Variants in THSD7B observed in about 807,000 individuals in gnomAD.
THSD7B encodes thrombospondin type 1 domain containing 7B.
In THSD7B, 138 loss-of-function variants were observed where a neutral mutation model predicts 213.6. That is an observed-to-expected ratio of 0.65 (90% CI 0.56 to 0.74). The LOEUF is 0.74. Among genes scored for constraint, THSD7B ranks in the 30% least tolerant of loss-of-function variants. The pLI is 0.00. For missense variants in THSD7B, 1,931 were observed against 1,991.5 expected (o/e 0.97, Z 0.58); for synonymous variants, 742 against 687.0 (o/e 1.08, Z -1.25).
intron 5 of THSD7B, among the ~76,000 whole-genome samples, chr2:137,135,623 T>C (rs1179914252): frequency 6.6e-6 from 1 of 152,170 alleles, no homozygotes; most frequent in Non-Finnish European, 1.5e-5. Context: ...CAGCTCTCTA[T>C]GTCTGTCACA....
At chr2:137,407,977 A>G (rs1686566818) in intron 13 of THSD7B, among the ~76,000 whole-genome samples, 1 of 151,396 alleles carries the variant, frequency 6.6e-6, no homozygotes, top group South Asian at 2.1e-4. Flanking sequence ...TAACTACTAC[A>G]TATTCTGACT....
chr2:137,080,361 C>G (rs1221031990), intron 3 of THSD7B, among the ~76,000 whole-genome samples: 1 of 141,576 alleles, frequency 7.1e-6, no homozygotes, highest in Non-Finnish European at 1.5e-5. Flanking sequence ...ACCACCATGC[C>G]CAGCTGTTTT....
At chr2:136,888,909 G>T (rs907907418) in intron 2 of THSD7B, among the ~76,000 whole-genome samples, 5 of 151,354 alleles carry the variant, frequency 3.3e-5, no homozygotes, top group African/African-American at 1.2e-4. Context: ...AATATCCCCA[G>T]CACATTAAAT....
rs1573606717 is a variant in THSD7B, at chr2:137,405,668, G to A, written c.2556G>A (p.Lys852=). 1.2e-6 allele frequency: 2 copies of A among 1,613,374 alleles called. No homozygotes were observed. Among genetic ancestry groups the A allele is most frequent in the East Asian group, 4.5e-5 (2 of 44,814 alleles). Residue 852 remains lysine, a synonymous_variant, in exon 13 of 28, where the codon AAG becomes AAA. Coordinates refer to ENST00000409968, the MANE Select transcript of THSD7B (RefSeq NM_001316349.2). The part of the protein sequence containing the change: ...NRSAEMMECL[K]QTNGMPLLVQ... ...CAGCAGAAATGATGGAATGCCTCAA[G>A]CAGACAAACGGCATGCCTCTCCTTG...
chr2:136,974,613 G>T (rs1356636573), intron 2 of THSD7B, among the ~76,000 whole-genome samples: 1 of 152,130 alleles, frequency 6.6e-6, no homozygotes, highest in Non-Finnish European at 1.5e-5. Flanking sequence ...TGGGCATATG[G>T]GGTGATTCCA....
chr2:136,971,637 A>C (rs1268667266), intron 2 of THSD7B, among the ~76,000 whole-genome samples: 1 of 23,224 alleles, frequency 4.3e-5, no homozygotes, highest in Non-Finnish European at 1.3e-4. Context: ...AACAACAACA[A>C]ATACACACAC....
intron 25 of THSD7B, among the ~76,000 whole-genome samples, chr2:137,663,052 G>T (rs59577493): frequency 0.055 from 7,988 of 145,016 alleles, 405 homozygotes; most frequent in East Asian, 0.21. Context: ...GCAACAGAGT[G>T]AAACTCCATC....
chr2:137,554,536 G>A (rs953771577), intron 15 of THSD7B, among the ~76,000 whole-genome samples: 2 of 152,130 alleles, frequency 1.3e-5, no homozygotes, highest in African/African-American at 2.4e-5. Flanking sequence ...GAGATAAAGA[G>A]CTAAAGTCAT....
At chr2:137,191,100 A>G (rs368330275) in intron 7 of THSD7B, among the ~76,000 whole-genome samples, 1 of 152,172 alleles carries the variant, frequency 6.6e-6, no homozygotes, top group Admixed American at 6.5e-5. Context: ...GGCCTCTGGC[A>G]GAGTCTGCTG....
intron 15 of THSD7B, among the ~76,000 whole-genome samples, chr2:137,524,307 A>G (rs980468507): frequency 3.9e-5 from 6 of 152,112 alleles, no homozygotes; most frequent in African/African-American, 1.4e-4. Flanking sequence ...GTCATGTGGA[A>G]CTGCCTCCTC....
At chr2:137,656,473 G>A (rs1683238365) in intron 22 of THSD7B, among the ~76,000 whole-genome samples, 1 of 152,068 alleles carries the variant, frequency 6.6e-6, no homozygotes, top group Non-Finnish European at 1.5e-5. Flanking sequence ...TTTGAACACT[G>A]AGTTACCATA....
At chr2:137,322,048 G>A (rs1218666769) in intron 12 of THSD7B, among the ~76,000 whole-genome samples, 4 of 152,168 alleles carry the variant, frequency 2.6e-5, no homozygotes, top group Admixed American at 1.3e-4. Flanking sequence ...TCATATGTTG[G>A]ATTAAGCAGA....
At chr2:137,507,416 A>G (rs1394189620) in intron 15 of THSD7B, among the ~76,000 whole-genome samples, 2 of 152,194 alleles carry the variant, frequency 1.3e-5, no homozygotes, top group Non-Finnish European at 2.9e-5. Flanking sequence ...GGTGATTTGA[A>G]AATTCTGGAG....
chr2:137,346,549 T>C (rs1684881611), intron 12 of THSD7B, among the ~76,000 whole-genome samples: 1 of 151,652 alleles, frequency 6.6e-6, no homozygotes, highest in Non-Finnish European at 1.5e-5. Context: ...CTAAGTAGCA[T>C]TGACTCTTAT....
At chr2:137,432,696 C>T (rs754869151) in intron 14 of THSD7B, among the ~76,000 whole-genome samples, 2 of 152,188 alleles carry the variant, frequency 1.3e-5, no homozygotes, top group African/African-American at 2.4e-5. Context: ...CTGTTCCCCA[C>T]GTGTCTTCTG....
intron 17 of THSD7B, among the ~76,000 whole-genome samples, chr2:137,599,428 A>G (rs1301086020): frequency 6.6e-6 from 1 of 151,956 alleles, no homozygotes; most frequent in Non-Finnish European, 1.5e-5. Context: ...AATCAAAACC[A>G]CTATGAGATA....
intron 12 of THSD7B, among the ~76,000 whole-genome samples, chr2:137,393,283 T>A (rs1686085843): frequency 1.3e-5 from 2 of 151,910 alleles, no homozygotes; most frequent in African/African-American, 4.8e-5. Flanking sequence ...TAGCATTAGG[T>A]ATATCTCCCA....
At position 136,885,498 on chromosome 2, in the gene THSD7B, A is replaced by T. The variant is rs76530726; in HGVS notation, c.139+3181A>T. On this transcript the variant is annotated intron_variant, in intron 2 of 27. Coordinates refer to ENST00000409968, the MANE Select transcript of THSD7B (RefSeq NM_001316349.2). Reference sequence around the variant, plus strand: ...CCTATAATCTATATTGGTGTCAGACACTCTGTTAGCTGTGTCAAGAAAGAA... The same window carrying T: ...CCTATAATCTATATTGGTGTCAGACTCTCTGTTAGCTGTGTCAAGAAAGAA... Among the ~76,000 whole-genome samples, 915 of 152,236 alleles carry T rather than the reference A, an allele frequency of 6.0e-3. 7 individuals carry two copies. Among genetic ancestry groups the T allele is most frequent in the African/African-American group, 0.02 (851 of 41,564 alleles).
At position 137,133,028 on chromosome 2, in the gene THSD7B, A is replaced by C. The variant is rs539887452; in HGVS notation, c.1369+17735A>C. 2.0e-5 allele frequency among the ~76,000 whole-genome samples: 3 copies of C among 152,308 alleles called. No homozygotes were observed. In the South Asian group the frequency reaches 6.2e-4, roughly 32 times the overall value. Reference sequence around the variant, plus strand: ...TATTCAAACTCTTTCATCATAAAGGATGATTAATGAACTCTAATCATCTTA... The same window carrying C: ...TATTCAAACTCTTTCATCATAAAGGCTGATTAATGAACTCTAATCATCTTA... On this transcript the variant is annotated intron_variant, in intron 5 of 27. Transcript: ENST00000409968.
Sources: gnomAD v4.1 joint callset for allele counts (sites outside exome capture counted in the v4.1 genomes callset) on GRCh38, gnomAD v4.1.1 for gene constraint, MANE v1.5 for transcripts, NCBI Gene and HGNC (gene_info 2026-07-23, HGNC 2026-07-21) for gene names.